Variants in IFT140 observed in about 807,000 individuals in gnomAD.
The protein encoded by IFT140 is intraflagellar transport 140, also known as intraflagellar transport protein 140 homolog.
Under a neutral mutation model 164.6 loss-of-function variants are expected in IFT140, and 133 were observed. The observed-to-expected ratio is 0.81, with a 90% confidence interval of 0.70 to 0.93. The LOEUF (loss-of-function observed/expected upper bound fraction) is 0.93, where lower values mean the gene tolerates loss of function less well. Among genes scored for constraint, IFT140 ranks in the 40% least tolerant of loss-of-function variants. IFT140 has a pLI of 0.00. For synonymous variants in IFT140, 860 were observed against 817.3 expected (o/e 1.05, Z -0.89); for missense variants, 2,045 against 1,972.3 (o/e 1.04, Z -0.70).
chr16:1,537,689 G>C (rs897493829), intron 19 of IFT140, among the ~76,000 whole-genome samples: 1 of 152,224 alleles, frequency 6.6e-6, no homozygotes, highest in Non-Finnish European at 1.5e-5. Context: ...ACTTCGTCTC[G>C]TTTTGGATAT....
At chr16:1,554,519 A>C (rs981054942) in intron 19 of IFT140, among the ~76,000 whole-genome samples, 1 of 152,168 alleles carries the variant, frequency 6.6e-6, no homozygotes. Context: ...CCACCCCTCC[A>C]CAGCCGCCAG....
At chr16:1,587,858 A>T (rs2034970722) in intron 8 of IFT140, 75 bp downstream of exon 8, 1 of 1,176,142 alleles carries the variant, frequency 8.5e-7, no homozygotes, top group Non-Finnish European at 1.2e-6. Context: ...GCTCCATTCC[A>T]ACACAAAGCT....
chr16:1,569,471 C>A (rs1161015004), intron 14 of IFT140, among the ~76,000 whole-genome samples: 1 of 129,078 alleles, frequency 7.7e-6, no homozygotes, highest in East Asian at 2.7e-4. Context: ...CTTCCCTTCT[C>A]TCCTTCCTTC....
Position 1,523,834 on chromosome 16 carries a change from G to T in IFT140, c.3264C>A (p.Tyr1088Ter). ...GVQMDRAVML[Y>*]HKAGHFSKAL... ...ACCGGTGGCCAGCCCTCACCTTGTG[G>T]TACAGCATGACCGCCCTGTCCATCT... Residue 1088 changes from tyrosine (Y) to a stop codon, truncating the protein, a stop_gained, in exon 25 of 31, where the codon TAC (tyrosine) becomes TAA (stop). Coordinates refer to ENST00000426508, the MANE Select transcript of IFT140 (RefSeq NM_014714.4). LOFTEE classifies it high-confidence loss of function. The T allele has an allele frequency of 6.2e-7, 1 of 1,612,908 alleles. No individual in the cohort carries two copies. The highest frequency in any genetic ancestry group is 1.7e-5 in the Admixed American group (1 of 60,020).
intron 19 of IFT140, chr16:1,541,190 A>G: frequency 1.0e-6 from 1 of 985,438 alleles, no homozygotes; most frequent in Non-Finnish European, 1.2e-6. Flanking sequence ...AAGGCTGGGC[A>G]CAGGCCTGCT....
intron 3 of IFT140, 117 bp downstream of exon 3, chr16:1,607,003 T>TAC (rs376785546): frequency 3.1e-5 from 30 of 968,398 alleles, no homozygotes; most frequent in Middle Eastern, 2.2e-4. Context: ...GATGCATGTA[T>TAC]ACACACACAC....
At chr16:1,516,139 C>CAAAAA (rs869165237) in intron 30 of IFT140, among the ~76,000 whole-genome samples, 1,038 of 45,884 alleles carry the variant, frequency 0.023, 106 homozygotes, top group Non-Finnish European at 0.032. Context: ...AACTCTGTCT[C>CAAAAA]AAAAAAAAAA....
At chr16:1,526,985 C>T (rs1854282163) in intron 19 of IFT140, 189 bp from the exon 20 acceptor site, 2 of 594,336 alleles carry the variant, frequency 3.4e-6, no homozygotes, top group Non-Finnish European at 5.7e-6. Flanking sequence ...CGTCACGAGT[C>T]CCACGGCCTT....
intron 19 of IFT140, among the ~76,000 whole-genome samples, chr16:1,545,613 T>C (rs2032105190): frequency 6.6e-6 from 1 of 151,962 alleles, no homozygotes. Context: ...TGCTATTACC[T>C]GTTATGCAAG....
In IFT140 at chr16:1,510,995, G is replaced by A. The variant is rs779634878; in HGVS notation, c.4338C>T (p.Asp1446=). 1.2e-5 allele frequency: 19 copies of A among 1,611,412 alleles called. No homozygotes were observed. The highest frequency in any genetic ancestry group is 1.7e-4 in the Middle Eastern group (1 of 6,030). The change falls in exon 31 of 31, where the codon GAC becomes GAT. Residue 1446 remains aspartate (D), a synonymous_variant. Coordinates refer to ENST00000426508, the MANE Select transcript of IFT140 (RefSeq NM_014714.4). ...PEQVRHNSME[D]ARELDEEVVE... is the part of the protein sequence containing the mutation. ...CCACCTCCTCGTCCAGCTCCCTGGC[G>A]TCCTCCATGCTGTTGTGGCGGACCT...
At position 1,564,194 on chromosome 16, in the gene IFT140, C is replaced by T; in HGVS notation, c.1902-32G>A. Reference sequence around the variant, plus strand: ...GACAAAGGAAGACCCGTTTCAACCCCAGGGCGGGCACTCCTGCTACCAGTC... The same window carrying T: ...GACAAAGGAAGACCCGTTTCAACCCTAGGGCGGGCACTCCTGCTACCAGTC... On this transcript the variant is annotated intron_variant, in intron 16 of 30. Transcript: ENST00000426508. The surrounding 1 kb of genome is among the most constrained non-coding windows in gnomAD (Gnocchi z 5.5). 6.5e-7 allele frequency: 1 copy of T among 1,527,838 alleles called. No individual in the cohort carries two copies. The highest frequency in any genetic ancestry group is 1.3e-5 in the South Asian group (1 of 79,578). 94.6% of individuals were successfully genotyped at this position (1,527,838 alleles called of 1,614,324 possible).
Position 1,560,250 on chromosome 16 carries a change from T to A in IFT140, c.2199+1735A>T, listed in dbSNP as rs979716867. 5.3e-5 allele frequency among the ~76,000 whole-genome samples: 8 copies of A among 152,220 alleles called. No individual in the cohort carries two copies. The South Asian group carries it at 8.3e-4, about 16-fold the overall frequency. On this transcript the variant is annotated intron_variant, in intron 18 of 30. Transcript: ENST00000426508. ...TCACACGATGCTTTCCCAGTCTTCA[T>A]GAAGCCAGACTGCCTCCACCGCAGG...
At chr16:1,559,815 G>A (rs1339184428) in intron 18 of IFT140, among the ~76,000 whole-genome samples, 2 of 152,222 alleles carry the variant, frequency 1.3e-5, no homozygotes, top group Non-Finnish European at 1.5e-5. Flanking sequence ...CAATTGTACT[G>A]AAAATAAGGG....
chr16:1,559,699 G>A (rs899257235), intron 18 of IFT140, among the ~76,000 whole-genome samples: 1 of 152,234 alleles, frequency 6.6e-6, no homozygotes, highest in Non-Finnish European at 1.5e-5. Flanking sequence ...TGCTAGGTGA[G>A]AGGCATCCTG....
At chr16:1,537,365 G>C (rs1177584578) in intron 19 of IFT140, among the ~76,000 whole-genome samples, 1 of 152,256 alleles carries the variant, frequency 6.6e-6, no homozygotes, top group African/African-American at 2.4e-5. Context: ...GGCACATGGA[G>C]TCAAAATCAT....
Position 1,566,167 on chromosome 16 carries a change from G to C in IFT140, c.1895C>G (p.Thr632Ser). ...TCCTGAACCACAATCTTACTTATTA[G>C]TCTCTTGCTCATTAAAGGACAGCGT... ...RETLSFNEQE[T>S]NKSHLFVDEG... is the part of the protein sequence containing the mutation. Residue 632 changes from threonine (T) to serine (S), a missense_variant, in exon 16 of 31, where the codon ACT becomes AGT. Transcript: ENST00000426508. The C allele has an allele frequency of 6.2e-7, 1 of 1,613,040 alleles. No homozygotes were observed. Among genetic ancestry groups the C allele is most frequent in the Non-Finnish European group, 8.5e-7 (1 of 1,179,372 alleles).
At chr16:1,562,905 C>T (rs1156229635) in intron 17 of IFT140, among the ~76,000 whole-genome samples, 4 of 152,200 alleles carry the variant, frequency 2.6e-5, no homozygotes, top group Non-Finnish European at 4.4e-5. Flanking sequence ...GCAGAACAAG[C>T]AACACCAGGA....
rs544097481 is a variant in IFT140, at chr16:1,589,797, G to T, written c.635-17C>A. 2.0e-5 allele frequency: 32 copies of T among 1,604,400 alleles called. 1 individual carries two copies. The South Asian group carries it at 3.3e-4, about 17-fold the overall frequency. Reference sequence around the variant, plus strand: ...GCACTGTCCCTGGGGACAAACGTGGGGTCACTACATGAGGAGGCCCTGGTT... The same window carrying T: ...GCACTGTCCCTGGGGACAAACGTGGTGTCACTACATGAGGAGGCCCTGGTT... On this transcript the variant is annotated splice_polypyrimidine_tract_variant and intron_variant, in intron 6 of 30. Coordinates refer to ENST00000426508, the MANE Select transcript of IFT140 (RefSeq NM_014714.4).
At chr16:1,567,686 C>T (rs563723730) in intron 15 of IFT140, among the ~76,000 whole-genome samples, 3 of 152,332 alleles carry the variant, frequency 2.0e-5, no homozygotes, top group African/African-American at 7.2e-5. Context: ...ACAAGGGAAC[C>T]CGCACCAGCG....
Sources: gnomAD v4.1 joint callset for allele counts (sites outside exome capture counted in the v4.1 genomes callset) on GRCh38, gnomAD v4.1.1 for gene constraint, Gnocchi (gnomAD v3.1) non-coding constraint, MANE v1.5 for transcripts, NCBI Gene and HGNC (gene_info 2026-07-23, HGNC 2026-07-21) for gene names.